CSMD3: variants seen among roughly 807,000 people sequenced by gnomAD.
CSMD3 encodes the protein CUB and Sushi multiple domains 3, also known as CUB and sushi domain-containing protein 3.
CSMD3 carries 177 observed loss-of-function variants against 435.2 expected under a neutral mutation model. The observed-to-expected ratio is 0.41, with a 90% CI of 0.36 to 0.46. The LOEUF (loss-of-function observed/expected upper bound fraction) is 0.46, where lower values mean the gene tolerates loss of function less well. Among genes scored for constraint, CSMD3 ranks in the 20% least tolerant of loss-of-function variants. The pLI is 0.34. For missense variants in CSMD3, 4,265 were observed against 4,504.6 expected, an observed-to-expected ratio of 0.95 and a Z score of 1.52; for synonymous variants, 1,656 against 1,520.5, an observed-to-expected ratio of 1.09 and a Z score of -2.07.
At chr8:112,576,251 T>A (rs1829933929) in intron 23 of CSMD3, among the ~76,000 whole-genome samples, 1 of 152,014 alleles carries the variant, frequency 6.6e-6, no homozygotes. Context: ...TCCTAATTTT[T>A]AAAAAATCTT....
chr8:113,134,749 A>G (rs1230801131), intron 4 of CSMD3, among the ~76,000 whole-genome samples: 3 of 152,022 alleles, frequency 2.0e-5, no homozygotes, highest in African/African-American at 4.8e-5. Flanking sequence ...TTATGTTACT[A>G]TAACAGAATA....
intron 13 of CSMD3, among the ~76,000 whole-genome samples, chr8:112,693,405 T>C (rs1372071282): frequency 2.0e-5 from 3 of 152,054 alleles, no homozygotes; most frequent in East Asian, 3.9e-4. Flanking sequence ...TTGCCTTCAC[T>C]GTTGAATAAT....
intron 38 of CSMD3, among the ~76,000 whole-genome samples, chr8:112,357,133 G>A (rs749650780): frequency 1.3e-5 from 2 of 152,132 alleles, no homozygotes; most frequent in African/African-American, 2.4e-5. Flanking sequence ...AATGCTGATA[G>A]TGATATGAAG....
At chr8:113,019,469 T>G (rs2086599595) in intron 5 of CSMD3, among the ~76,000 whole-genome samples, 2 of 150,982 alleles carry the variant, frequency 1.3e-5, no homozygotes, top group South Asian at 2.1e-4. Context: ...ACCAATAATT[T>G]ATTTATGGTA....
chr8:112,442,943 C>A (rs1416021993), intron 32 of CSMD3, among the ~76,000 whole-genome samples: 2 of 152,168 alleles, frequency 1.3e-5, no homozygotes, highest in African/African-American at 2.4e-5. Flanking sequence ...AACTGTTATA[C>A]AAGAGAAAAA....
intron 6 of CSMD3, among the ~76,000 whole-genome samples, chr8:112,994,354 A>G (rs1025146163): frequency 2.6e-5 from 4 of 151,696 alleles, no homozygotes; most frequent in African/African-American, 9.7e-5. Flanking sequence ...AGCTACATAC[A>G]AAAGACAACT....
At chr8:113,106,478 A>C (rs552483788) in intron 4 of CSMD3, among the ~76,000 whole-genome samples, 1 of 152,234 alleles carries the variant, frequency 6.6e-6, no homozygotes, top group Non-Finnish European at 1.5e-5. Flanking sequence ...CTATAGGAAA[A>C]TACCAAACAG....
At chr8:113,396,314 A>G (rs1446739454) in intron 1 of CSMD3, among the ~76,000 whole-genome samples, 2 of 152,178 alleles carry the variant, frequency 1.3e-5, no homozygotes, top group African/African-American at 2.4e-5. Flanking sequence ...TAAACTGTGT[A>G]CAATGAAAAC....
At chr8:112,527,083 G>T (rs553532896) in intron 27 of CSMD3, among the ~76,000 whole-genome samples, 64 of 151,860 alleles carry the variant, frequency 4.2e-4, no homozygotes, top group Non-Finnish European at 8.3e-4. Flanking sequence ...TAGCAATATG[G>T]TAGACAAACT....
intron 3 of CSMD3, among the ~76,000 whole-genome samples, chr8:113,209,762 A>G (rs1320788025): frequency 1.3e-5 from 2 of 152,150 alleles, no homozygotes; most frequent in African/African-American, 4.8e-5. Flanking sequence ...AAAAATTAAT[A>G]AGGAGTCAAG....
At chr8:112,670,030 C>A (rs1026445924) in intron 16 of CSMD3, among the ~76,000 whole-genome samples, 2 of 152,032 alleles carry the variant, frequency 1.3e-5, no homozygotes, top group African/African-American at 2.4e-5. Flanking sequence ...ATTAACAAAA[C>A]GTAAAAATGT....
chr8:113,331,496 C>T (rs1355250116), intron 1 of CSMD3, among the ~76,000 whole-genome samples: 1 of 151,584 alleles, frequency 6.6e-6, no homozygotes, highest in Non-Finnish European at 1.5e-5. Flanking sequence ...ATTCCACAGA[C>T]CAATATTCCT....
intron 32 of CSMD3, among the ~76,000 whole-genome samples, chr8:112,461,530 A>G (rs1218515436): frequency 2.0e-5 from 3 of 152,164 alleles, no homozygotes; most frequent in Non-Finnish European, 4.4e-5. Context: ...TACTCTCTAT[A>G]TGAATATTCA....
intron 27 of CSMD3, among the ~76,000 whole-genome samples, chr8:112,538,242 C>T (rs1826327233): frequency 6.6e-6 from 1 of 152,008 alleles, no homozygotes; most frequent in Non-Finnish European, 1.5e-5. Flanking sequence ...TAACATCATC[C>T]TAAACAGGGA....
intron 1 of CSMD3, among the ~76,000 whole-genome samples, chr8:113,404,682 C>A (rs2094524812): frequency 6.6e-6 from 1 of 151,218 alleles, no homozygotes; most frequent in African/African-American, 2.4e-5. Flanking sequence ...AAATGTGTGC[C>A]ATTTATACTA....
intron 3 of CSMD3, among the ~76,000 whole-genome samples, chr8:113,196,236 A>T (rs1438618973): frequency 6.6e-6 from 1 of 151,164 alleles, no homozygotes; most frequent in Non-Finnish European, 1.5e-5. Context: ...AAAAAAAGTC[A>T]TTCTACTGGA....
At chr8:113,267,173 T>C (rs947785070) in intron 3 of CSMD3, among the ~76,000 whole-genome samples, 1 of 151,690 alleles carries the variant, frequency 6.6e-6, no homozygotes, top group Non-Finnish European at 1.5e-5. Context: ...GTACAGCCAC[T>C]ATAGAAAACA....
chr8:112,608,863 C>T (rs1217797119), intron 22 of CSMD3, among the ~76,000 whole-genome samples: 1 of 151,878 alleles, frequency 6.6e-6, no homozygotes, highest in African/African-American at 2.4e-5. Flanking sequence ...GAATTGAAGA[C>T]TTAATCATGA....
chr8:112,638,677 T>C lies in CSMD3; in HGVS notation c.3526+19A>G, dbSNP rs2074733261. On this transcript the variant is annotated intron_variant, in intron 21 of 70. Transcript: ENST00000297405. ...TTTAAAAGTTACTGAATGAGCCCTTTTGTTTTTTATTTTCTCACCAGAGAA... is the reference window on the plus strand; with the variant it reads ...TTTAAAAGTTACTGAATGAGCCCTTCTGTTTTTTATTTTCTCACCAGAGAA... The C allele has an allele frequency of 6.9e-7, 1 of 1,453,044 alleles. No individual in the cohort carries two copies. Among genetic ancestry groups the C allele is most frequent in the African/African-American group, 1.4e-5 (1 of 71,486 alleles). 90.0% of individuals were successfully genotyped at this position (1,453,044 alleles called of 1,614,324 possible). A position where few individuals can be genotyped will look rare whatever the true frequency, so the allele number is the denominator to read the frequency against.
Sources: gnomAD v4.1 joint callset for allele counts (sites outside exome capture counted in the v4.1 genomes callset) on GRCh38, gnomAD v4.1.1 for gene constraint, MANE v1.5 for transcripts, NCBI Gene and HGNC (gene_info 2026-07-23, HGNC 2026-07-21) for gene names.